The following ESCO1 variants were observed in gnomAD, a reference collection of about 807,000 sequenced individuals.
ESCO1 encodes N-acetyltransferase ESCO1.
In ESCO1, 33 loss-of-function variants were observed where a neutral mutation model predicts 83.5. That is an observed-to-expected ratio of 0.40 (90% confidence interval 0.30 to 0.53). ESCO1 has a LOEUF of 0.53. ESCO1 is among the 20% of genes least tolerant of loss of function. The pLI is 0.63. For missense variants in ESCO1, 855 were observed against 968.0 expected (o/e 0.88, Z 1.55); for synonymous variants, 332 against 324.3 (o/e 1.02, Z -0.25).
At chr18:21,532,888 G>C (rs2037785542) in intron 10 of ESCO1, among the ~76,000 whole-genome samples, 3 of 152,002 alleles carry the variant, frequency 2.0e-5, no homozygotes, top group Non-Finnish European at 4.4e-5. Flanking sequence ...TAACCTTTGG[G>C]TTCCTCACTG....
chr18:21,582,138 G>T (rs2038511177), intron 2 of ESCO1, among the ~76,000 whole-genome samples: 1 of 151,902 alleles, frequency 6.6e-6, no homozygotes, highest in African/African-American at 2.4e-5. Flanking sequence ...AACCATCTAG[G>T]TAACCTATTC....
chr18:21,577,834 T>C (rs1050008943), intron 2 of ESCO1, among the ~76,000 whole-genome samples: 3 of 152,038 alleles, frequency 2.0e-5, no homozygotes, highest in Non-Finnish European at 4.4e-5. Context: ...AATAGGAATA[T>C]ACACACTGAT....
At chr18:21,590,308 G>A (rs534883477) in intron 1 of ESCO1, among the ~76,000 whole-genome samples, 3 of 148,936 alleles carry the variant, frequency 2.0e-5, no homozygotes, top group East Asian at 2.0e-4. Context: ...TGCAACCTCC[G>A]CCTCCCCGGT....
chr18:21,536,583 T>G (rs1178756880), intron 9 of ESCO1, among the ~76,000 whole-genome samples: 1 of 123,742 alleles, frequency 8.1e-6, no homozygotes, highest in Non-Finnish European at 1.7e-5. Context: ...AGAGTGAGAC[T>G]CCATCTCAAA....
chr18:21,574,282 C>T lies in ESCO1; in HGVS notation c.562G>A (p.Glu188Lys), dbSNP rs2038386715. ...KVLEVKSDSK[E>K]DENLVINEVI... ...TCATTAATTACTAGATTTTCATCTT[C>T]TTTAGAGTCAGACTTTACTTCCAGT... is the stretch of plus-strand genomic sequence containing the variant. The change falls in exon 4 of 12, where the codon GAA becomes AAA. Residue 188 changes from glutamate (E) to lysine (K), a missense_variant. Transcript: ENST00000269214. 1 of 1,613,584 alleles carries T rather than the reference C, an allele frequency of 6.2e-7. No homozygotes were observed. The highest frequency in any genetic ancestry group is 8.5e-7 in the Non-Finnish European group (1 of 1,179,970).
rs150505668 is a variant in ESCO1 at position 21,574,775 on chromosome 18, A to T, written c.69T>A (p.Asn23Lys). The change falls in exon 4 of 12, where the codon AAT (asparagine) becomes AAA (lysine). Residue 23 changes from asparagine (N) to lysine (K), a missense_variant. Transcript: ENST00000269214. ...SKVTKKSDDK[N>K]SETEIQDSQK... ...GAGAATCCTGAATTTCTGTTTCTGAATTCTTATCGTCACTTTTTTTAGTAA... is the reference window on the plus strand; with the variant it reads ...GAGAATCCTGAATTTCTGTTTCTGATTTCTTATCGTCACTTTTTTTAGTAA... 9 of 1,604,624 alleles carry T rather than the reference A, an allele frequency of 5.6e-6. No individual in the cohort carries two copies. Among genetic ancestry groups the T allele is most frequent in the Admixed American group, 3.4e-5 (2 of 59,550 alleles).
intron 9 of ESCO1, 131 bp from the exon 10 acceptor site, chr18:21,536,316 G>A: frequency 9.4e-7 from 1 of 1,061,856 alleles, no homozygotes; most frequent in Non-Finnish European, 1.3e-6. Flanking sequence ...TGGGCTGGGT[G>A]TGGTGGTTCA....
chr18:21,599,401 T>A (rs1309243607), intron 1 of ESCO1, among the ~76,000 whole-genome samples: 1 of 152,196 alleles, frequency 6.6e-6, no homozygotes, highest in East Asian at 1.9e-4. Flanking sequence ...AAGCAGAAAC[T>A]AAGTACTTGA....
chr18:21,585,417 C>A (rs1170709082), intron 1 of ESCO1, among the ~76,000 whole-genome samples: 2 of 152,096 alleles, frequency 1.3e-5, no homozygotes, highest in East Asian at 3.9e-4. Flanking sequence ...GTACCAGTAT[C>A]ATTTGTTAAA....
chr18:21,598,421 C>T (rs1003109759), intron 1 of ESCO1, among the ~76,000 whole-genome samples: 2 of 152,232 alleles, frequency 1.3e-5, no homozygotes, highest in Admixed American at 6.5e-5. Flanking sequence ...ATTACTTGGC[C>T]GGGCATGGTG....
rs181090729 is a variant in ESCO1 at position 21,545,732 on chromosome 18, C to A, written c.1954-5723G>T. Among the ~76,000 whole-genome samples, 212 of 152,060 alleles carry A rather than the reference C, an allele frequency of 1.4e-3. 2 individuals are homozygous for A. The highest frequency in any genetic ancestry group is 3.7e-4 in the Non-Finnish European group (25 of 67,984). On this transcript the variant is annotated intron_variant, in intron 8 of 11. Coordinates refer to ENST00000269214, the MANE Select transcript of ESCO1 (RefSeq NM_052911.3). ...TCTCCTGAGGTCAGGAGTTCGAGAC[C>A]AGCCTGGCCAACATGGCGAAACCCC...
chr18:21,539,228 C>T (rs1440258783), intron 9 of ESCO1, among the ~76,000 whole-genome samples: 4 of 151,986 alleles, frequency 2.6e-5, no homozygotes, highest in African/African-American at 9.7e-5. Context: ...AGAAATTTTC[C>T]CTTAGAATGA....
intron 8 of ESCO1, among the ~76,000 whole-genome samples, chr18:21,545,032 C>T (rs1488560274): frequency 6.6e-6 from 1 of 152,154 alleles, no homozygotes; most frequent in Non-Finnish European, 1.5e-5. Flanking sequence ...AATGTTGCTT[C>T]TTCTTACATG....
intron 8 of ESCO1, among the ~76,000 whole-genome samples, chr18:21,553,954 AAAAATT>A (rs1435537282): frequency 6.6e-6 from 1 of 151,958 alleles, no homozygotes; most frequent in East Asian, 1.9e-4. Context: ...AGCCTGATTG[AAAAATT>A]AAAATTAAAA....
At chr18:21,556,309 C>G (rs922833009) in intron 8 of ESCO1, among the ~76,000 whole-genome samples, 2 of 152,134 alleles carry the variant, frequency 1.3e-5, no homozygotes, top group Non-Finnish European at 2.9e-5. Flanking sequence ...TGCTCTACTA[C>G]TATTCACTTC....
intron 2 of ESCO1, among the ~76,000 whole-genome samples, chr18:21,578,261 CAG>C (rs1223945134): frequency 6.6e-6 from 1 of 151,928 alleles, no homozygotes; most frequent in Admixed American, 6.6e-5. Context: ...TGTCATGAAA[CAG>C]ATATACAAGA....
At chr18:21,587,080 A>G (rs1300880483) in intron 1 of ESCO1, among the ~76,000 whole-genome samples, 1 of 152,156 alleles carries the variant, frequency 6.6e-6, no homozygotes, top group East Asian at 1.9e-4. Context: ...CACTGCAGGG[A>G]TAAATGCAAC....
intron 10 of ESCO1, among the ~76,000 whole-genome samples, chr18:21,533,185 AT>A (rs2037789450): frequency 6.6e-6 from 1 of 152,188 alleles, no homozygotes; most frequent in South Asian, 2.1e-4. Flanking sequence ...TAAAAAAAAA[AT>A]ACCTTAAAAA....
intron 1 of ESCO1, chr18:21,593,457 GCGCGCGCCTGCAAT>G (rs1341169513): frequency 6.5e-6 from 1 of 152,878 alleles, no homozygotes; most frequent in East Asian, 1.9e-4. Flanking sequence ...AGGCGTGGCG[GCGCGCGCCTGCAAT>G]CGCAGGCACT....
Sources: allele counts gnomAD v4.1 joint callset (sites outside exome capture counted in the v4.1 genomes callset), GRCh38; gene constraint gnomAD v4.1.1; transcripts MANE v1.5; gene names NCBI Gene and HGNC (gene_info 2026-07-23, HGNC 2026-07-21).